Variants in GSN observed in about 807,000 individuals in gnomAD.
GSN encodes the protein gelsolin.
A neutral mutation model predicts 85.7 loss-of-function variants in GSN; 56 were observed. That is an observed-to-expected ratio of 0.65 (90% confidence interval 0.53 to 0.82). The LOEUF (loss-of-function observed/expected upper bound fraction) is 0.82. Among genes scored for constraint, GSN ranks in the 40% least tolerant of loss-of-function variants. GSN has a pLI of 0.00. For synonymous variants in GSN, 373 were observed against 399.1 expected, an observed-to-expected ratio of 0.93 and a Z score of 0.78; for missense variants, 857 against 979.8, an observed-to-expected ratio of 0.87 and a Z score of 1.67.
chr9:121,300,622 C>G (rs1212019945), intron 2 of GSN, among the ~76,000 whole-genome samples: 1 of 152,178 alleles, frequency 6.6e-6, no homozygotes, highest in Non-Finnish European at 1.5e-5. Context: ...TTGTCCTCGA[C>G]TCCAGCCTAA....
At chr9:121,270,359 A>T (rs921575792) in intron 1 of GSN, among the ~76,000 whole-genome samples, 6 of 152,050 alleles carry the variant, frequency 3.9e-5, no homozygotes, top group Non-Finnish European at 7.3e-5. Flanking sequence ...GATGTAGGGG[A>T]TGCATTGAAC....
In GSN at chr9:121,299,921, G is replaced by C; in HGVS notation, c.-9-2042G>C. On this transcript the variant is annotated intron_variant, in intron 2 of 17. Coordinates refer to ENST00000432226, the MANE Select transcript of GSN (RefSeq NM_198252.3). The surrounding 1 kb of genome is among the most constrained non-coding windows in gnomAD (Gnocchi z 4.2). ...GCGCGCTGTCCCTGGCGCTGTGCGCGCTGTCGCTGCCCGTCCGCGCGGCCA... is the reference window on the plus strand; with the variant it reads ...GCGCGCTGTCCCTGGCGCTGTGCGCCCTGTCGCTGCCCGTCCGCGCGGCCA... 2 of 1,261,132 alleles carry C rather than the reference G, an allele frequency of 1.6e-6. No homozygotes were observed. Among genetic ancestry groups the C allele is most frequent in the Non-Finnish European group, 1.0e-6 (1 of 1,000,412 alleles). 78.1% of individuals were successfully genotyped at this position (1,261,132 alleles called of 1,614,324 possible).
At chr9:121,239,936 G>T in intron 5 of GSN, 1 of 160,560 alleles carries the variant, frequency 6.2e-6, no homozygotes, top group South Asian at 1.7e-4. Context: ...ATGGACTCTT[G>T]ATACTGTGAT....
In GSN at chr9:121,318,518, A is replaced by T. The variant is rs750422717; in HGVS notation, c.975+24A>T. 1.7e-5 allele frequency: 27 copies of T among 1,566,504 alleles called. 2 individuals carry two copies. In the Middle Eastern group the frequency reaches 5.0e-4, roughly 29 times the overall value. ...AGGTGAGTCTTGGAGGCCAGGTAGG[A>T]TGGGAAGGGGTGGGTCCTGTTTGGA... On this transcript the variant is annotated intron_variant, in intron 9 of 17. Transcript: ENST00000432226. This position sits in a 1 kb window ranked among gnomAD's most constrained non-coding sequence, Gnocchi z 4.3.
At position 121,208,452 on chromosome 9, in the gene GSN, C is replaced by T. The variant is rs111833171; in HGVS notation, c.-808+555C>T. On this transcript the variant is annotated intron_variant, in intron 1 of 24. Coordinates refer to the GSN transcript ENST00000373823. ...TTCACAAGATAGAAATGTATTCTTC[C>T]CGCACATGGAAGTCTGGGTAAGTAG... 8.4e-4 allele frequency among the ~76,000 whole-genome samples: 128 copies of T among 152,274 alleles called. 1 individual carries two copies. Among genetic ancestry groups the T allele is most frequent in the African/African-American group, 2.1e-3 (86 of 41,530 alleles).
At position 121,302,059 on chromosome 9, in the gene GSN, G is replaced by A. The variant is rs376961112; in HGVS notation, c.88G>A (p.Val30Met). The A allele has an allele frequency of 5.6e-6, 9 of 1,614,096 alleles. No individual in the cohort carries two copies. In the African/African-American group the frequency reaches 6.7e-5, roughly 12 times the overall value. ...TGTGGAGAAGTTCGATCTGGTGCCC[G>A]TGCCCACCAACCTTTATGGAGACTT... ...WRVEKFDLVP[V>M]PTNLYGDFFT... The change falls in exon 3 of 18, where the codon GTG becomes ATG. Residue 30 changes from valine to methionine, a missense_variant. Physicochemically the swap from Val to Met is conservative, Grantham distance 21. Coordinates refer to ENST00000432226, the MANE Select transcript of GSN (RefSeq NM_198252.3).
intron 3 of GSN, 113 bp from the exon 4 acceptor site, chr9:121,302,798 C>T: frequency 9.6e-7 from 1 of 1,038,334 alleles, no homozygotes; most frequent in Non-Finnish European, 1.5e-6. Flanking sequence ...AGGGCTTTCT[C>T]AGCTTCTACA....
At chr9:121,240,372 T>G (rs1025609356) in intron 5 of GSN, among the ~76,000 whole-genome samples, 1 of 152,216 alleles carries the variant, frequency 6.6e-6, no homozygotes, top group Non-Finnish European at 1.5e-5. Context: ...CAATCAGCTC[T>G]TGGGTGCTGA....
intron 2 of GSN, among the ~76,000 whole-genome samples, chr9:121,289,630 T>C (rs1416735145): frequency 6.6e-6 from 1 of 152,206 alleles, no homozygotes; most frequent in African/African-American, 2.4e-5. Context: ...TACCTCATCT[T>C]GTCTCATTTG....
chr9:121,267,797 C>G (rs556465349), upstream of GSN, among the ~76,000 whole-genome samples: 2 of 152,220 alleles, frequency 1.3e-5, no homozygotes, highest in African/African-American at 4.8e-5. Flanking sequence ...AAATCTGCCT[C>G]CGCTGGTGCT....
chr9:121,314,139 G>A, intron 7 of GSN, 116 bp downstream of exon 7: 2 of 823,116 alleles, frequency 2.4e-6, no homozygotes, highest in Admixed American at 1.9e-5. Context: ...TTTGGAGGGG[G>A]GCCTCAGCTT....
chr9:121,232,053 C>T (rs1005599278), intron 5 of GSN, among the ~76,000 whole-genome samples: 7 of 152,066 alleles, frequency 4.6e-5, no homozygotes, highest in African/African-American at 1.7e-4. Flanking sequence ...GGTGACAGAG[C>T]GAGACTCTGT....
At chr9:121,227,545 C>T (rs2054294095) in intron 4 of GSN, among the ~76,000 whole-genome samples, 1 of 152,288 alleles carries the variant, frequency 6.6e-6, no homozygotes, top group South Asian at 2.1e-4. Flanking sequence ...TAACCTACTA[C>T]TTGCAATGTG....
At chr9:121,281,986 C>G (rs1392592377) in intron 2 of GSN, 4 of 472,954 alleles carry the variant, frequency 8.5e-6, no homozygotes, top group Non-Finnish European at 1.8e-5. Context: ...TGCCAAGTCT[C>G]TGGACTTGTT....
intron 4 of GSN, among the ~76,000 whole-genome samples, chr9:121,215,887 G>A (rs1374061067): frequency 4.0e-5 from 6 of 151,622 alleles, no homozygotes; most frequent in South Asian, 2.1e-4. Context: ...ACCTATAATT[G>A]TTTGTAATTT....
rs1277006645 is a variant in GSN at position 121,312,426 on chromosome 9, C to CT, written c.601_602insT (p.Arg201LeufsTer11). ...GTCCAAGGGCATCCGGGACAACGAG[C>CT]GGAGTGGCCGGGCCCGAGTGCACGT... is the stretch of plus-strand genomic sequence containing the variant. On this transcript the variant is annotated frameshift_variant, in exon 6 of 18. Coordinates refer to ENST00000432226, the MANE Select transcript of GSN (RefSeq NM_198252.3). LOFTEE classifies it high-confidence loss of function. 9 of 1,613,968 alleles carry CT rather than the reference C, an allele frequency of 5.6e-6. No individual in the cohort carries two copies. The highest frequency in any genetic ancestry group is 7.6e-6 in the Non-Finnish European group (9 of 1,179,992).
chr9:121,289,788 G>A (rs1269769180), intron 2 of GSN, among the ~76,000 whole-genome samples: 1 of 152,210 alleles, frequency 6.6e-6, no homozygotes, highest in Non-Finnish European at 1.5e-5. Flanking sequence ...CACAGGGGAT[G>A]TTGTTGGGGG....
In GSN at chr9:121,327,433, C is replaced by T; in HGVS notation, c.1713C>T (p.Leu571=). The part of the protein sequence containing the change: ...EAEKTGAQEL[L]RVLRAQPVQV... ...AGAAGACGGGGGCCCAGGAGCTGCTCAGGGTGCTGCGGGCCCAACCTGTGC... is the reference window on the plus strand; with the variant it reads ...AGAAGACGGGGGCCCAGGAGCTGCTTAGGGTGCTGCGGGCCCAACCTGTGC... Residue 571 remains leucine, a synonymous_variant, in exon 14 of 18, where the codon CTC becomes CTT. Transcript: ENST00000432226. 1 of 1,604,658 alleles carries T rather than the reference C, an allele frequency of 6.2e-7. No homozygotes were observed. The highest frequency in any genetic ancestry group is 1.7e-5 in the Admixed American group (1 of 58,612).
At chr9:121,319,189 G>A (rs897689064) in intron 10 of GSN, among the ~76,000 whole-genome samples, 14 of 152,204 alleles carry the variant, frequency 9.2e-5, no homozygotes, top group African/African-American at 3.1e-4. Context: ...AAGCAGTGGG[G>A]GTGGTTGGTC....
Sources: gnomAD v4.1 joint callset for allele counts (sites outside exome capture counted in the v4.1 genomes callset) on GRCh38, gnomAD v4.1.1 for gene constraint, Gnocchi (gnomAD v3.1) non-coding constraint, MANE v1.5 for transcripts, NCBI Gene and HGNC (gene_info 2026-07-23, HGNC 2026-07-21) for gene names.